The following NEK10 variants were observed in gnomAD, a reference collection of about 807,000 sequenced individuals.
NEK10 encodes the protein NIMA related kinase 10.
In NEK10, 122 loss-of-function variants were observed where a neutral mutation model predicts 159.8. The ratio of observed to expected loss-of-function variants is 0.76; its 90% CI spans 0.66 to 0.89. The LOEUF (loss-of-function observed/expected upper bound fraction) is 0.89, where lower values mean the gene tolerates loss of function less well. NEK10 is among the 40% of genes least tolerant of loss of function. The pLI, the probability that NEK10 is intolerant of heterozygous loss-of-function variation, is 0.00. For missense variants in NEK10, 1,342 were observed against 1,323.1 expected (o/e 1.01, Z -0.22); for synonymous variants, 466 against 457.1 (o/e 1.02, Z -0.25).
intron 26 of NEK10, among the ~76,000 whole-genome samples, chr3:27,187,467 A>G (rs769698042): frequency 7.9e-5 from 12 of 152,150 alleles, no homozygotes; most frequent in Admixed American, 6.5e-4. Flanking sequence ...TTTTACCCAA[A>G]TTCATATGAA....
At chr3:27,128,646 T>C (rs572177563) in intron 32 of NEK10, among the ~76,000 whole-genome samples, 1 of 150,590 alleles carries the variant, frequency 6.6e-6, no homozygotes, top group South Asian at 2.1e-4. Context: ...TTTTTTTTTT[T>C]CTTTTTTGGT....
At chr3:27,250,392 TAGTC>T (rs1955528117) in intron 23 of NEK10, among the ~76,000 whole-genome samples, 1 of 152,124 alleles carries the variant, frequency 6.6e-6, no homozygotes, top group African/African-American at 2.4e-5. Context: ...TTCACTGTGT[TAGTC>T]AGGATGGTCT....
At chr3:27,284,733 T>C (rs1005310438) in intron 21 of NEK10, 29 bp from the exon 22 acceptor site, 3 of 1,554,526 alleles carry the variant, frequency 1.9e-6, no homozygotes, top group Non-Finnish European at 2.7e-6. Flanking sequence ...AAACAAATTT[T>C]ATTTCCCCCA....
intron 19 of NEK10, 35 bp from the exon 20 acceptor site, chr3:27,287,778 T>C (rs1345529691): frequency 6.7e-7 from 1 of 1,490,208 alleles, no homozygotes; most frequent in East Asian, 2.6e-5. Flanking sequence ...TGTATTGCAC[T>C]GCTTCAAAAT....
chr3:27,273,790 T>C (rs2041558236), intron 22 of NEK10, among the ~76,000 whole-genome samples: 1 of 152,124 alleles, frequency 6.6e-6, no homozygotes, highest in Non-Finnish European at 1.5e-5. Flanking sequence ...TCCTGCTGCC[T>C]CAGTAAATGG....
intron 3 of NEK10, among the ~76,000 whole-genome samples, chr3:27,347,622 T>TTAACAAAA (rs2047662539): frequency 6.6e-6 from 1 of 152,084 alleles, no homozygotes; most frequent in African/African-American, 2.4e-5. Flanking sequence ...TGTTTAATAG[T>TTAACAAAA]TAACAAAAAA....
At chr3:27,211,738 A>G (rs1951027065) in intron 23 of NEK10, among the ~76,000 whole-genome samples, 1 of 152,218 alleles carries the variant, frequency 6.6e-6, no homozygotes, top group Non-Finnish European at 1.5e-5. Context: ...AGAATACAGG[A>G]GCAAACAAAC....
Position 27,170,274 on chromosome 3 carries a change from G to A in NEK10, c.2831+1545C>T, listed in dbSNP as rs1246712171. Among the ~76,000 whole-genome samples the A allele has an allele frequency of 3.9e-5, 6 of 152,112 alleles. No individual in the cohort carries two copies. In the East Asian group the frequency reaches 1.2e-3, roughly 29 times the overall value. On this transcript the variant is annotated intron_variant, in intron 29 of 35. Transcript: ENST00000691995. ...CTGCCTGGCATCACCACTTATATGTGGCCCAACCTCAACAGGTGCCCCAGC... is the reference window on the plus strand; with the variant it reads ...CTGCCTGGCATCACCACTTATATGTAGCCCAACCTCAACAGGTGCCCCAGC...
chr3:27,294,711 A>T lies in NEK10; in HGVS notation c.1308+902T>A, dbSNP rs1401127117. Among the ~76,000 whole-genome samples, 3 of 152,026 alleles carry T rather than the reference A, an allele frequency of 2.0e-5. No individual in the cohort carries two copies. The East Asian group carries it at 5.8e-4, about 29-fold the overall frequency. ...GGTTTGGCCATCATTTTGGATGATA[A>T]CTCTTAAATCAGATTGGAGACAAAG... On this transcript the variant is annotated intron_variant, in intron 15 of 35. Coordinates refer to ENST00000691995, the MANE Select transcript of NEK10 (RefSeq NM_001394966.1).
At chr3:27,354,257 G>T (rs942842520) in intron 1 of NEK10, among the ~76,000 whole-genome samples, 1 of 152,090 alleles carries the variant, frequency 6.6e-6, no homozygotes, top group African/African-American at 2.4e-5. Flanking sequence ...AGGGGATCGC[G>T]TTTACCACTA....
At chr3:27,305,086 AT>A in intron 11 of NEK10, 115 bp from the exon 12 acceptor site, 1 of 682,362 alleles carries the variant, frequency 1.5e-6, no homozygotes, top group African/African-American at 1.8e-5. Flanking sequence ...TTTGTAAGTC[AT>A]GGGTCAATGT....
At chr3:27,302,899 C>T (rs1018761883) in intron 12 of NEK10, among the ~76,000 whole-genome samples, 6 of 152,120 alleles carry the variant, frequency 3.9e-5, no homozygotes, top group Non-Finnish European at 2.9e-5. Context: ...TTCACCTGAT[C>T]AAGAGAGCCC....
chr3:27,150,029 GC>G (rs937992323), intron 30 of NEK10, among the ~76,000 whole-genome samples: 1 of 152,200 alleles, frequency 6.6e-6, no homozygotes, highest in Admixed American at 6.5e-5. Flanking sequence ...ATTCCCTTAA[GC>G]CAAAGCAGAA....
intron 23 of NEK10, among the ~76,000 whole-genome samples, chr3:27,212,969 A>T (rs1455870852): frequency 6.6e-6 from 1 of 152,206 alleles, no homozygotes; most frequent in Non-Finnish European, 1.5e-5. Flanking sequence ...TATGACAGGA[A>T]ATATCCTCTC....
chr3:27,214,745 A>T (rs1951338161), intron 23 of NEK10: 1 of 750,802 alleles, frequency 1.3e-6, no homozygotes, highest in Admixed American at 1.7e-5. Context: ...CTGAGGAATA[A>T]ACATAATTTC....
intron 30 of NEK10, among the ~76,000 whole-genome samples, chr3:27,149,897 A>G (rs1251498857): frequency 6.6e-6 from 1 of 152,256 alleles, no homozygotes; most frequent in Non-Finnish European, 1.5e-5. Flanking sequence ...GTGAATGCAG[A>G]GAAAAGATTT....
Position 27,258,085 on chromosome 3 carries a change from C to T in NEK10, c.2015-1714G>A, listed in dbSNP as rs867361495. ...TGCTGGGATTACAGGCGTGAGCCTC[C>T]ATGCCCGGCCTCCAATAGCTTTCTT... is the stretch of plus-strand genomic sequence containing the variant. On this transcript the variant is annotated intron_variant, in intron 22 of 35. Transcript: ENST00000691995. Among the ~76,000 whole-genome samples the T allele has an allele frequency of 2.1e-3, 326 of 152,000 alleles. 1 individual carries two copies. Among genetic ancestry groups the T allele is most frequent in the African/African-American group, 7.1e-3 (293 of 41,448 alleles).
At chr3:27,295,524 T>G in intron 15 of NEK10, 89 bp downstream of exon 15, 1 of 1,474,604 alleles carries the variant, frequency 6.8e-7, no homozygotes, top group South Asian at 1.3e-5. Context: ...AGTACTAACC[T>G]AAACATTCTA....
intron 32 of NEK10, among the ~76,000 whole-genome samples, chr3:27,126,864 C>A (rs943650490): frequency 6.6e-6 from 1 of 152,020 alleles, no homozygotes; most frequent in Admixed American, 6.6e-5. Flanking sequence ...TTCCGGAGGA[C>A]GCAACCCCAG....
Sources: allele counts gnomAD v4.1 joint callset (sites outside exome capture counted in the v4.1 genomes callset), GRCh38; gene constraint gnomAD v4.1.1; transcripts MANE v1.5; gene names NCBI Gene and HGNC (gene_info 2026-07-23, HGNC 2026-07-21).